The following CTNNA1 variants were observed in gnomAD, a reference collection of about 807,000 sequenced individuals.
The protein encoded by CTNNA1 is catenin alpha-1.
A neutral mutation model predicts 98.4 loss-of-function variants in CTNNA1; 37 were observed. The observed-to-expected ratio is 0.38, with a 90% CI of 0.29 to 0.49. CTNNA1 has a LOEUF of 0.49. Ranked by LOEUF, CTNNA1 falls within the 20% of genes least tolerant of loss-of-function variation. The pLI, the probability that CTNNA1 is intolerant of heterozygous loss-of-function variation, is 0.95. For synonymous variants in CTNNA1, 404 were observed against 413.2 expected, an observed-to-expected ratio of 0.98 and a Z score of 0.27; for missense variants, 761 against 1,147.2, an observed-to-expected ratio of 0.66 and a Z score of 4.86.
intron 9 of CTNNA1, among the ~76,000 whole-genome samples, chr5:138,895,407 G>A (rs1303367495): frequency 6.6e-6 from 1 of 152,142 alleles, no homozygotes; most frequent in Non-Finnish European, 1.5e-5. Context: ...TGCACAAGGG[G>A]AATGAACTGG....
At chr5:138,807,121 C>T (rs994917998) in intron 3 of CTNNA1, among the ~76,000 whole-genome samples, 26 of 151,140 alleles carry the variant, frequency 1.7e-4, no homozygotes, top group African/African-American at 6.3e-4. Context: ...AGTGATTTTC[C>T]TGCCTCAGCC....
At chr5:138,829,674 T>C (rs944555499) in intron 7 of CTNNA1, among the ~76,000 whole-genome samples, 26 of 152,188 alleles carry the variant, frequency 1.7e-4, no homozygotes, top group African/African-American at 6.3e-4. Context: ...ACTGAAGACA[T>C]GGAGACTGCA....
chr5:138,822,443 A>G (rs2149768213), intron 5 of CTNNA1, among the ~76,000 whole-genome samples: 1 of 152,374 alleles, frequency 6.6e-6, no homozygotes, highest in South Asian at 2.1e-4. Flanking sequence ...TCTAGGTCAT[A>G]GATACTTAGG....
intron 3 of CTNNA1, among the ~76,000 whole-genome samples, chr5:138,806,056 T>G (rs936160287): frequency 6.6e-6 from 1 of 152,202 alleles, no homozygotes; most frequent in African/African-American, 2.4e-5. Context: ...ATAAATTTTG[T>G]AAGTATATGG....
At position 138,874,828 on chromosome 5, in the gene CTNNA1, A is replaced by T; in HGVS notation, c.1063-11384A>T. 7.3e-7 allele frequency: 1 copy of T among 1,374,594 alleles called. No individual in the cohort carries two copies. Among genetic ancestry groups the T allele is most frequent in the Non-Finnish European group, 1.0e-6 (1 of 974,774 alleles). 85.1% of individuals were successfully genotyped at this position (1,374,594 alleles called of 1,614,324 possible). A position where few individuals can be genotyped will look rare whatever the true frequency, so the allele number is the denominator to read the frequency against. ...CCAAAATATGATGGTGATTTCCCTCATAAAATGTGAATTCGGTAGCTTATT... is the reference window on the plus strand; with the variant it reads ...CCAAAATATGATGGTGATTTCCCTCTTAAAATGTGAATTCGGTAGCTTATT... On this transcript the variant is annotated intron_variant, in intron 7 of 17. Coordinates refer to ENST00000302763, the MANE Select transcript of CTNNA1 (RefSeq NM_001903.5). The surrounding 1 kb of genome is among the most constrained non-coding windows in gnomAD (Gnocchi z 4.1).
intron 1 of CTNNA1, among the ~76,000 whole-genome samples, chr5:138,759,610 A>G (rs984950824): frequency 6.6e-6 from 1 of 152,124 alleles, no homozygotes; most frequent in African/African-American, 2.4e-5. Flanking sequence ...GTGTCTGCCT[A>G]TCCCTGATTA....
At chr5:138,791,434 T>C (rs1561529728) in intron 3 of CTNNA1, among the ~76,000 whole-genome samples, 1 of 151,748 alleles carries the variant, frequency 6.6e-6, no homozygotes, top group Non-Finnish European at 1.5e-5. Context: ...CTGGCCAACA[T>C]GGTGAAACCC....
Position 138,874,828 on chromosome 5 carries a change from A to G in CTNNA1, c.1063-11384A>G, listed in dbSNP as rs1751131204. On this transcript the variant is annotated intron_variant, in intron 7 of 17. Transcript: ENST00000302763. This position sits in a 1 kb window ranked among gnomAD's most constrained non-coding sequence, Gnocchi z 4.1. ...CCAAAATATGATGGTGATTTCCCTC[A>G]TAAAATGTGAATTCGGTAGCTTATT... 1.5e-6 allele frequency: 2 copies of G among 1,374,594 alleles called. No homozygotes were observed. The allele number at this position is 1,374,594 out of a possible 1,614,324, so 85.1% of individuals were successfully genotyped here.
chr5:138,865,094 G>T (rs1386982219), intron 7 of CTNNA1, among the ~76,000 whole-genome samples: 1 of 152,174 alleles, frequency 6.6e-6, no homozygotes, highest in Non-Finnish European at 1.5e-5. Flanking sequence ...TTACAGGCGT[G>T]AGCCACCGCT....
intron 3 of CTNNA1, among the ~76,000 whole-genome samples, chr5:138,798,270 A>T (rs562318848): frequency 1.3e-5 from 2 of 152,326 alleles, no homozygotes; most frequent in East Asian, 3.9e-4. Flanking sequence ...GGAGATGTGT[A>T]CTCATTTTAC....
intron 3 of CTNNA1, among the ~76,000 whole-genome samples, chr5:138,791,527 G>C (rs1054915104): frequency 4.4e-5 from 6 of 136,202 alleles, no homozygotes; most frequent in African/African-American, 1.6e-4. Context: ...TGAGGCAGGG[G>C]AATTGCTTGA....
At chr5:138,783,842 T>G (rs1464345077) in intron 3 of CTNNA1, among the ~76,000 whole-genome samples, 4 of 152,232 alleles carry the variant, frequency 2.6e-5, no homozygotes, top group African/African-American at 4.8e-5. Context: ...CTAGAAATTG[T>G]CCTATTGTGT....
chr5:138,925,038 A>G (rs150034648), intron 12 of CTNNA1, among the ~76,000 whole-genome samples: 140 of 152,364 alleles, frequency 9.2e-4, no homozygotes, highest in Middle Eastern at 3.4e-3. Flanking sequence ...TCTCACTTCA[A>G]GTTCTCAACC....
chr5:138,894,058 C>T (rs1434235493), intron 9 of CTNNA1, among the ~76,000 whole-genome samples: 1 of 152,038 alleles, frequency 6.6e-6, no homozygotes, highest in Non-Finnish European at 1.5e-5. Flanking sequence ...GCTGGGATTA[C>T]AGGCACCCAC....
At chr5:138,863,862 A>G (rs1764504744) in intron 7 of CTNNA1, among the ~76,000 whole-genome samples, 2 of 152,354 alleles carry the variant, frequency 1.3e-5, no homozygotes, top group East Asian at 1.9e-4. Context: ...TGGGCTGGGC[A>G]TGAAATCATA....
chr5:138,929,194 G>T (rs1764778679), intron 13 of CTNNA1, 52 bp from the exon 14 acceptor site: 1 of 981,354 alleles, frequency 1.0e-6, no homozygotes, highest in Admixed American at 1.7e-5. Context: ...GGGTGGCTGG[G>T]GGCTGGTGGC....
intron 1 of CTNNA1, among the ~76,000 whole-genome samples, chr5:138,759,023 G>C (rs1329888768): frequency 6.6e-6 from 1 of 152,112 alleles, no homozygotes; most frequent in Admixed American, 6.6e-5. Flanking sequence ...GGCTGGTCTT[G>C]AACTCCTGAC....
rs1454668859 is a variant in CTNNA1, at chr5:138,877,111, C to T, written c.1063-9101C>T. ...TTGCCAGTGAACAGACTCTTGAGTC[C>T]TTAGTAATGAGCCTGCACTAGTACG... On this transcript the variant is annotated intron_variant, in intron 7 of 17. Transcript: ENST00000302763. Among the ~76,000 whole-genome samples the T allele has an allele frequency of 3.9e-5, 6 of 152,284 alleles. No individual in the cohort carries two copies. In the East Asian group the frequency reaches 1.2e-3, roughly 29 times the overall value.
At chr5:138,768,495 A>G (rs1753175422) in intron 1 of CTNNA1, among the ~76,000 whole-genome samples, 1 of 150,906 alleles carries the variant, frequency 6.6e-6, no homozygotes, top group Non-Finnish European at 1.5e-5. Context: ...TCCTAACCTC[A>G]AGCAATCCAC....
Sources: gnomAD v4.1 joint callset for allele counts (sites outside exome capture counted in the v4.1 genomes callset) on GRCh38, gnomAD v4.1.1 for gene constraint, Gnocchi (gnomAD v3.1) non-coding constraint, MANE v1.5 for transcripts, NCBI Gene and HGNC (gene_info 2026-07-23, HGNC 2026-07-21) for gene names.